The following MYH13 variants were observed in gnomAD, a reference collection of about 807,000 sequenced individuals.
The protein encoded by MYH13 is myosin-13.
Under a neutral mutation model 232.1 loss-of-function variants are expected in MYH13, and 177 were observed. That is an observed-to-expected ratio of 0.76 (90% CI 0.67 to 0.86). The LOEUF (loss-of-function observed/expected upper bound fraction) is 0.86, where lower values mean the gene tolerates loss of function less well. Among genes scored for constraint, MYH13 ranks in the 40% least tolerant of loss-of-function variants. The pLI is 0.00. For synonymous variants in MYH13, 884 were observed against 923.5 expected, an observed-to-expected ratio of 0.96 and a Z score of 0.78; for missense variants, 2,246 against 2,405.9, an observed-to-expected ratio of 0.93 and a Z score of 1.39.
Position 10,345,207 on chromosome 17 carries a change from C to T in MYH13, c.1579G>A (p.Glu527Lys), listed in dbSNP as rs759063489. The T allele has an allele frequency of 1.2e-5, 20 of 1,613,972 alleles. No homozygotes were observed. The highest frequency in any genetic ancestry group is 1.5e-5 in the Non-Finnish European group (18 of 1,179,964). The stretch of plus-strand genomic sequence containing the variant: ...AGGCAGCAGTATCTCTCTACCTTCT[C>T]GATGAGCTCGATGCAGGCAGCCAGG... ...MDLAACIELIEKPMGIFSILE... is the reference protein window; with the variant it reads ...MDLAACIELIKKPMGIFSILE... Residue 527 changes from glutamate (E) to lysine (K), a missense_variant, in exon 15 of 41, where the codon GAG becomes AAG. Coordinates refer to ENST00000252172, the MANE Select transcript of MYH13 (RefSeq NM_003802.3).
chr17:10,341,623 T>G (rs561825790), intron 16 of MYH13, among the ~76,000 whole-genome samples: 9 of 152,282 alleles, frequency 5.9e-5, no homozygotes, highest in Non-Finnish European at 8.8e-5. Context: ...TCCTTTCCCT[T>G]CATCCCACTT....
In MYH13 at chr17:10,332,137, C is replaced by T. The variant is rs369919760; in HGVS notation, c.2260G>A (p.Asp754Asn). The change falls in exon 20 of 41, where the codon GAT (aspartate) becomes AAT (asparagine). Residue 754 changes from aspartate (D) to asparagine (N), a missense_variant. Transcript: ENST00000252172. ...AACCTGAACTGCTCCCGGTCCACAT[C>T]GATGGAGTTGAGGAGCTTCTCTGAG... ...NASEKLLNSIDVDREQFRFGN... is the reference protein window; with the variant it reads ...NASEKLLNSINVDREQFRFGN... 1.2e-4 allele frequency: 195 copies of T among 1,613,972 alleles called. 2 individuals are homozygous for T. The highest frequency in any genetic ancestry group is 4.1e-4 in the South Asian group (37 of 91,076).
At chr17:10,342,959 G>A (rs895686557) in intron 16 of MYH13, among the ~76,000 whole-genome samples, 7 of 151,882 alleles carry the variant, frequency 4.6e-5, no homozygotes, top group Admixed American at 6.6e-5. Flanking sequence ...GCGTGGTGGC[G>A]TGCGCCTGTA....
rs527748477 is a variant in MYH13 at position 10,360,186 on chromosome 17, G to C, written c.508C>G (p.Arg170Gly). The change falls in exon 6 of 41, where the codon CGA becomes GGA. Residue 170 changes from arginine to glycine, a missense_variant and splice_region_variant. Arg to Gly is a moderately radical substitution (Grantham distance 125). Transcript: ENST00000252172. ...GTGATGAGGATAGACTGGTTGTCTC[G>C]ATCTAGAAATGCAGAGGGAAGCAAA... is the stretch of plus-strand genomic sequence containing the variant. ...DNAYQFMLTD[R>G]DNQSILITGE... 1.9e-6 allele frequency: 3 copies of C among 1,613,386 alleles called. No homozygotes were observed. In the Admixed American group the frequency reaches 5.0e-5, roughly 27 times the overall value.
rs2071797328 is a variant in MYH13, at chr17:10,361,955, C to T, written c.505+163G>A. Among the ~76,000 whole-genome samples, 3 of 152,232 alleles carry T rather than the reference C, an allele frequency of 2.0e-5. No homozygotes were observed. The South Asian group carries it at 6.2e-4, about 31-fold the overall frequency. On this transcript the variant is annotated intron_variant, in intron 5 of 40. Transcript: ENST00000252172. ...TCACAGGCCTTGTCATGCACTGTGA[C>T]TGGCAATGGAAGATGTTGTACCCTT...
intron 7 of MYH13, among the ~76,000 whole-genome samples, chr17:10,359,641 C>A (rs1218439915): frequency 6.6e-6 from 1 of 152,112 alleles, no homozygotes. Context: ...TCCCTGGTAT[C>A]CAAAGTGGGG....
intron 18 of MYH13, among the ~76,000 whole-genome samples, chr17:10,337,869 A>G (rs1304091494): frequency 6.6e-6 from 1 of 152,174 alleles, no homozygotes; most frequent in East Asian, 1.9e-4. Context: ...CCTGGCTAAC[A>G]TGGTGAAACC....
chr17:10,318,583 C>G (rs865942829), intron 27 of MYH13, among the ~76,000 whole-genome samples: 2 of 152,116 alleles, frequency 1.3e-5, no homozygotes, highest in East Asian at 1.9e-4. Context: ...TATAAATTAC[C>G]CAGTCTAAAA....
chr17:10,302,850 C>T (rs1476136128), intron 39 of MYH13, among the ~76,000 whole-genome samples: 1 of 151,658 alleles, frequency 6.6e-6, no homozygotes, highest in Admixed American at 6.6e-5. Context: ...GCAGGAATGG[C>T]TTTGAGGGTA....
Position 10,364,431 on chromosome 17 carries a change from A to T in MYH13, c.100T>A (p.Ser34Thr), listed in dbSNP as rs756096111. The change falls in exon 3 of 41, where the codon TCC becomes ACC. Residue 34 changes from serine (S) to threonine (T), a missense_variant. Coordinates refer to ENST00000252172, the MANE Select transcript of MYH13 (RefSeq NM_003802.3). ...TCCGCTACAAAGCAGGCTTTCTTGG[A>T]ATCGAATGGACGATTTTGAGCCTCG... ...RIEAQNRPFD[S>T]KKACFVADNK... 6.2e-7 allele frequency: 1 copy of T among 1,613,576 alleles called. No individual in the cohort carries two copies. The highest frequency in any genetic ancestry group is 1.7e-5 in the Admixed American group (1 of 59,980).
Position 10,332,104 on chromosome 17 carries a change from T to C in MYH13, c.2293A>G (p.Thr765Ala), listed in dbSNP as rs1907425520. Residue 765 changes from threonine to alanine, a missense_variant, in exon 20 of 41, where the codon ACC (threonine) becomes GCC (alanine). Physicochemically the swap from Thr to Ala is moderately conservative, Grantham distance 58. Transcript: ENST00000252172. Reference protein sequence around the residue: ...VDREQFRFGNTKVFFKAGLLG... With the variant: ...VDREQFRFGNAKVFFKAGLLG... ...CCAGCCTTGCCTGTGCTCACCTTGG[T>C]GTTGCCGAACCTGAACTGCTCCCGG... is the stretch of plus-strand genomic sequence containing the variant. The C allele has an allele frequency of 6.2e-7, 1 of 1,613,854 alleles. No individual in the cohort carries two copies. Among genetic ancestry groups the C allele is most frequent in the Non-Finnish European group, 8.5e-7 (1 of 1,179,860 alleles).
At chr17:10,346,945 CTGAAGCTTTAATCCCA>C in intron 12 of MYH13, 147 bp from the exon 13 acceptor site, 1 of 610,088 alleles carries the variant, frequency 1.6e-6, no homozygotes, top group Non-Finnish European at 2.8e-6. Context: ...GACTTGTTCA[CTGAAGCTTTAATCCCA>C]TATCCAGGGG....
At chr17:10,336,848 C>T (rs1048567582) in intron 18 of MYH13, among the ~76,000 whole-genome samples, 1 of 152,106 alleles carries the variant, frequency 6.6e-6, no homozygotes, top group Non-Finnish European at 1.5e-5. Flanking sequence ...CTTACTCCCC[C>T]AACCCCAAAC....
At chr17:10,323,764 C>CAA (rs756659634) in intron 23 of MYH13, among the ~76,000 whole-genome samples, 11 of 90,238 alleles carry the variant, frequency 1.2e-4, no homozygotes, top group Admixed American at 1.4e-4. Flanking sequence ...CTCCATCTCA[C>CAA]AAAAAAAAAA....
chr17:10,324,101 G>C lies in MYH13; in HGVS notation c.2855C>G (p.Ser952Cys). The change falls in exon 23 of 41, where the codon TCC becomes TGC. Residue 952 changes from serine to cysteine, a missense_variant. Ser to Cys is a moderately radical substitution (Grantham distance 112). Coordinates refer to ENST00000252172, the MANE Select transcript of MYH13 (RefSeq NM_003802.3). The part of the protein sequence containing the change: ...AKKRNLEDKC[S>C]SLKRDIDDLE... The stretch of plus-strand genomic sequence containing the variant: ...GTCATCAATGTCTCTCTTGAGAGAG[G>C]AGCATTTATCTTCCAGATTCCTCTT... The C allele has an allele frequency of 6.2e-7, 1 of 1,613,916 alleles. No individual in the cohort carries two copies. Among genetic ancestry groups the C allele is most frequent in the Non-Finnish European group, 8.5e-7 (1 of 1,179,902 alleles).
intron 2 of MYH13, among the ~76,000 whole-genome samples, chr17:10,370,423 T>C (rs1356035152): frequency 6.6e-6 from 1 of 152,220 alleles, no homozygotes; most frequent in Non-Finnish European, 1.5e-5. Flanking sequence ...TAGAGTTTCC[T>C]TAATTAGCCT....
At chr17:10,340,050 C>G in intron 18 of MYH13, 100 bp downstream of exon 18, 1 of 1,001,890 alleles carries the variant, frequency 1.0e-6, no homozygotes, top group Non-Finnish European at 1.5e-6. Flanking sequence ...AGAAGTGATA[C>G]AGACCATCAC....
Position 10,303,484 on chromosome 17 carries a change from T to C in MYH13, c.5481A>G (p.Glu1827=), listed in dbSNP as rs1383330905. The change falls in exon 38 of 41, where the codon GAA becomes GAG. Residue 1827 remains glutamate (E), a synonymous_variant. Coordinates refer to ENST00000252172, the MANE Select transcript of MYH13 (RefSeq NM_003802.3). ...QKLENRVREL[E]NELDVEQKRG... Reference sequence around the variant, plus strand: ...TCTTCTGTTCCACATCAAGCTCATTTTCCAGCTCCCGCACCTGAGTAGGAT... The same window carrying C: ...TCTTCTGTTCCACATCAAGCTCATTCTCCAGCTCCCGCACCTGAGTAGGAT... 1.2e-6 allele frequency: 2 copies of C among 1,613,986 alleles called. No individual in the cohort carries two copies. Among genetic ancestry groups the C allele is most frequent in the Admixed American group, 3.3e-5 (2 of 60,010 alleles).
intron 11 of MYH13, among the ~76,000 whole-genome samples, chr17:10,354,190 A>G (rs951900539): frequency 6.6e-6 from 1 of 152,170 alleles, no homozygotes; most frequent in African/African-American, 2.4e-5. Flanking sequence ...TACTTCCCCA[A>G]AATAAACACC....
Sources: gnomAD v4.1 joint callset for allele counts (sites outside exome capture counted in the v4.1 genomes callset) on GRCh38, gnomAD v4.1.1 for gene constraint, MANE v1.5 for transcripts, NCBI Gene and HGNC (gene_info 2026-07-23, HGNC 2026-07-21) for gene names.